The following GRID2 variants were observed in gnomAD, a reference collection of about 807,000 sequenced individuals.
The protein encoded by GRID2 is glutamate receptor ionotropic, delta-2.
Under a neutral mutation model 114.8 loss-of-function variants are expected in GRID2, and 33 were observed. The observed-to-expected ratio is 0.29, with a 90% CI of 0.22 to 0.38. The LOEUF (loss-of-function observed/expected upper bound fraction) is 0.38. Ranked by LOEUF, GRID2 falls within the 10% of genes least tolerant of loss-of-function variation. The pLI, the probability that GRID2 is intolerant of heterozygous loss-of-function variation, is 1.00. For missense variants in GRID2, 1,184 were observed against 1,257.7 expected (o/e 0.94, Z 0.89); for synonymous variants, 505 against 449.9 (o/e 1.12, Z -1.55).
chr4:93,029,931 A>G (rs1030871856), intron 2 of GRID2, among the ~76,000 whole-genome samples: 1 of 152,196 alleles, frequency 6.6e-6, no homozygotes, highest in Non-Finnish European at 1.5e-5. Context: ...GCATGCAAAT[A>G]AAACTGCATG....
intron 14 of GRID2, among the ~76,000 whole-genome samples, chr4:93,627,131 T>C (rs1742805724): frequency 6.6e-6 from 1 of 152,198 alleles, no homozygotes; most frequent in Admixed American, 6.5e-5. Flanking sequence ...TTTCATTATA[T>C]CTCCTACCAA....
intron 1 of GRID2, among the ~76,000 whole-genome samples, chr4:92,490,725 G>A (rs760014142): frequency 1.3e-5 from 2 of 152,056 alleles, no homozygotes; most frequent in Non-Finnish European, 2.9e-5. Flanking sequence ...TGAGCTTTAT[G>A]GGGGATTTCA....
intron 5 of GRID2, among the ~76,000 whole-genome samples, chr4:93,211,381 T>C (rs553789257): frequency 2.2e-4 from 34 of 152,260 alleles, no homozygotes; most frequent in African/African-American, 7.7e-4. Context: ...GATTCATGTT[T>C]TTAAACTTAT....
intron 1 of GRID2, among the ~76,000 whole-genome samples, chr4:92,334,959 A>G (rs1428785878): frequency 6.6e-6 from 1 of 152,214 alleles, no homozygotes; most frequent in African/African-American, 2.4e-5. Flanking sequence ...AGTTTTCATT[A>G]TACGAGCCAA....
At chr4:92,982,452 A>G (rs534543941) in intron 2 of GRID2, among the ~76,000 whole-genome samples, 69 of 152,242 alleles carry the variant, frequency 4.5e-4, no homozygotes, top group African/African-American at 1.5e-3. Context: ...CTCAAATTCA[A>G]TTGAATAACC....
intron 2 of GRID2, among the ~76,000 whole-genome samples, chr4:93,015,249 G>T (rs533695844): frequency 1.8e-4 from 28 of 152,206 alleles, no homozygotes; most frequent in African/African-American, 6.5e-4. Flanking sequence ...CTCTGGCATA[G>T]ACTAGATAGA....
At chr4:93,069,255 ATATG>A (rs34977668) in intron 2 of GRID2, among the ~76,000 whole-genome samples, 16,861 of 151,054 alleles carry the variant, frequency 0.11, 1,546 homozygotes, top group African/African-American at 0.25. Flanking sequence ...TATATATTAT[ATATG>A]TGTGTGTGTA....
At chr4:93,378,352 T>C (rs970663067) in intron 8 of GRID2, among the ~76,000 whole-genome samples, 1 of 152,256 alleles carries the variant, frequency 6.6e-6, no homozygotes, top group East Asian at 1.9e-4. Flanking sequence ...ATTATAATGA[T>C]TGAGTAAATA....
At chr4:92,402,438 A>G (rs575804284) in intron 1 of GRID2, among the ~76,000 whole-genome samples, 64 of 152,328 alleles carry the variant, frequency 4.2e-4, no homozygotes, top group African/African-American at 1.5e-3. Flanking sequence ...TTTGAATAAT[A>G]AGACTTGAAA....
intron 2 of GRID2, among the ~76,000 whole-genome samples, chr4:92,683,545 T>C (rs2149286512): frequency 6.6e-6 from 1 of 152,000 alleles, no homozygotes; most frequent in Non-Finnish European, 1.5e-5. Flanking sequence ...AAAAAAGCAA[T>C]ATAAAAAGAA....
At chr4:92,334,284 TTTC>T (rs1161942733) in intron 1 of GRID2, among the ~76,000 whole-genome samples, 2 of 152,204 alleles carry the variant, frequency 1.3e-5, no homozygotes, top group Non-Finnish European at 2.9e-5. Context: ...CAGCTCTTGT[TTTC>T]TTCTTAGCCC....
intron 1 of GRID2, among the ~76,000 whole-genome samples, chr4:92,324,285 C>A (rs748887912): frequency 6.6e-6 from 1 of 151,992 alleles, no homozygotes; most frequent in African/African-American, 2.4e-5. Flanking sequence ...ACTCTCCACT[C>A]TTCTTTCCTA....
chr4:92,803,303 A>T (rs1332472506), intron 2 of GRID2, among the ~76,000 whole-genome samples: 1 of 151,952 alleles, frequency 6.6e-6, no homozygotes, highest in African/African-American at 2.4e-5. Context: ...GTAATTCAGG[A>T]GTTTTCCTGG....
downstream of GRID2, among the ~76,000 whole-genome samples, chr4:93,775,701 CTGG>C (rs1349911080): frequency 6.6e-6 from 1 of 152,198 alleles, no homozygotes; most frequent in Admixed American, 6.5e-5. Context: ...ATTTACCCCA[CTGG>C]TGAATCATTA....
At chr4:93,362,160 C>T (rs1448592128) in intron 8 of GRID2, among the ~76,000 whole-genome samples, 1 of 152,076 alleles carries the variant, frequency 6.6e-6, no homozygotes, top group African/African-American at 2.4e-5. Context: ...TGTTGGGTCA[C>T]TAAAGAGAAT....
At chr4:93,390,294 C>G (rs952281417) in intron 8 of GRID2, among the ~76,000 whole-genome samples, 1 of 152,072 alleles carries the variant, frequency 6.6e-6, no homozygotes, top group African/African-American at 2.4e-5. Flanking sequence ...AGTTGAAAGC[C>G]ACAGTTTTAA....
Position 93,515,271 on chromosome 4 carries a change from T to C in GRID2, c.2053T>C (p.Ser685Pro). The C allele has an allele frequency of 6.2e-7, 1 of 1,610,880 alleles. No individual in the cohort carries two copies. The highest frequency in any genetic ancestry group is 8.5e-7 in the Non-Finnish European group (1 of 1,177,338). ...AATCCCTTATGGCACAGTCCTAGAC[T>C]CTGCGGTATATGAGCATGTCCGCAT... Reference protein sequence around the residue: ...TEIPYGTVLDSAVYEHVRMKG... With the variant: ...TEIPYGTVLDPAVYEHVRMKG... The change falls in exon 13 of 16, where the codon TCT becomes CCT. Residue 685 changes from serine to proline, a missense_variant. Physicochemically the swap from Ser to Pro is moderately conservative, Grantham distance 74. Transcript: ENST00000282020.
chr4:93,638,302 T>C (rs1363426896), intron 14 of GRID2, among the ~76,000 whole-genome samples: 1 of 77,452 alleles, frequency 1.3e-5, no homozygotes, highest in East Asian at 2.3e-4. Flanking sequence ...AACTTGCATC[T>C]TTTTTTTTTT....
intron 1 of GRID2, among the ~76,000 whole-genome samples, chr4:92,475,794 C>T: frequency 6.6e-6 from 1 of 151,958 alleles, no homozygotes; most frequent in East Asian, 1.9e-4. Flanking sequence ...TATTTCAAAC[C>T]AAGAATATGT....
Sources: allele counts gnomAD v4.1 joint callset (sites outside exome capture counted in the v4.1 genomes callset), GRCh38; gene constraint gnomAD v4.1.1; transcripts MANE v1.5; gene names NCBI Gene and HGNC (gene_info 2026-07-23, HGNC 2026-07-21).